GPC6: variants seen among roughly 807,000 people sequenced by gnomAD.
GPC6 encodes the protein glypican 6.
A neutral mutation model predicts 55.2 loss-of-function variants in GPC6; 14 were observed. The observed-to-expected ratio is 0.25, with a 90% CI of 0.17 to 0.40. The LOEUF (loss-of-function observed/expected upper bound fraction) is 0.40. GPC6 is among the 10% of genes least tolerant of loss of function. The pLI, the probability that GPC6 is intolerant of heterozygous loss-of-function variation, is 1.00. For synonymous variants in GPC6, 278 were observed against 259.6 expected (o/e 1.07, Z -0.68); for missense variants, 641 against 708.5 (o/e 0.90, Z 1.08).
chr13:93,462,981 A>G (rs9524075), intron 1 of GPC6, among the ~76,000 whole-genome samples: 27,569 of 152,122 alleles, frequency 0.18, 3,027 homozygotes, highest in East Asian at 0.48. Context: ...CCTTCTAGAC[A>G]TAGGACAGTT....
intron 5 of GPC6, among the ~76,000 whole-genome samples, chr13:94,288,606 AGT>A (rs1874674048): frequency 6.7e-6 from 1 of 149,604 alleles, no homozygotes; most frequent in African/African-American, 2.5e-5. Context: ...CAGCTCCTTG[AGT>A]ATACTTGTAG....
intron 4 of GPC6, among the ~76,000 whole-genome samples, chr13:94,238,326 A>G (rs564952857): frequency 6.6e-6 from 1 of 152,276 alleles, no homozygotes; most frequent in East Asian, 1.9e-4. Flanking sequence ...CAGAGAGCCT[A>G]TAGCTAGAAG....
intron 4 of GPC6, among the ~76,000 whole-genome samples, chr13:94,056,075 C>T (rs2138760751): frequency 6.6e-6 from 1 of 152,280 alleles, no homozygotes; most frequent in East Asian, 1.9e-4. Flanking sequence ...TGGTTTGGTC[C>T]CTACTGTATC....
intron 3 of GPC6, among the ~76,000 whole-genome samples, chr13:93,888,960 A>T (rs1875502954): frequency 6.6e-6 from 1 of 152,136 alleles, no homozygotes; most frequent in Non-Finnish European, 1.5e-5. Flanking sequence ...AGCACAAAAG[A>T]TATATTTACA....
intron 4 of GPC6, among the ~76,000 whole-genome samples, chr13:94,229,011 C>G (rs1296123869): frequency 1.3e-5 from 2 of 152,132 alleles, no homozygotes; most frequent in Non-Finnish European, 2.9e-5. Flanking sequence ...GAAACACTAT[C>G]ATATCTGGTG....
chr13:93,222,607 T>C (rs577633239), upstream of GPC6, among the ~76,000 whole-genome samples: 127 of 106,780 alleles, frequency 1.2e-3, no homozygotes, highest in Middle Eastern at 0.011. Context: ...CCACTGCAAT[T>C]TGTTTTATGT....
intron 4 of GPC6, among the ~76,000 whole-genome samples, chr13:94,058,820 C>T (rs79112115): frequency 0.021 from 3,219 of 152,246 alleles, 140 homozygotes; most frequent in African/African-American, 0.072. Context: ...AGCCACACAT[C>T]CAAATTCTGA....
At chr13:93,786,413 T>C (rs1210416772) in intron 2 of GPC6, among the ~76,000 whole-genome samples, 4 of 152,186 alleles carry the variant, frequency 2.6e-5, no homozygotes, top group Non-Finnish European at 2.9e-5. Flanking sequence ...ATCGTTTTAT[T>C]AAAATGCTAC....
intron 3 of GPC6, among the ~76,000 whole-genome samples, chr13:93,946,474 C>A (rs1178994514): frequency 6.6e-6 from 1 of 152,060 alleles, no homozygotes; most frequent in Admixed American, 6.6e-5. Flanking sequence ...CAAAATTTAC[C>A]TAATTTTAAA....
At chr13:93,690,311 G>A (rs1334472510) in intron 2 of GPC6, among the ~76,000 whole-genome samples, 1 of 151,932 alleles carries the variant, frequency 6.6e-6, no homozygotes, top group Non-Finnish European at 1.5e-5. Context: ...GTGCAAGTCA[G>A]GAGGACAAGG....
chr13:94,296,438 G>GA lies in GPC6; in HGVS notation c.1009-9535dup, dbSNP rs1267174418. ...AGAGAAGGTGCTCTCCTGGTCTCCT[G>GA]AAAAAAAGTCTCCTTCTGACTTCTT... On this transcript the variant is annotated intron_variant, in intron 5 of 8. Coordinates refer to ENST00000377047, the MANE Select transcript of GPC6 (RefSeq NM_005708.5). Among the ~76,000 whole-genome samples, 11 of 152,240 alleles carry GA rather than the reference G, an allele frequency of 7.2e-5. No individual in the cohort carries two copies. The South Asian group carries it at 1.9e-3, about 26-fold the overall frequency.
chr13:93,888,731 T>C (rs1875490030), intron 3 of GPC6, among the ~76,000 whole-genome samples: 1 of 152,146 alleles, frequency 6.6e-6, no homozygotes, highest in Non-Finnish European at 1.5e-5. Flanking sequence ...GAAGTGCTTA[T>C]ATTTTCAGAA....
chr13:93,475,179 CAA>C (rs398070399), intron 1 of GPC6, among the ~76,000 whole-genome samples: 1 of 152,008 alleles, frequency 6.6e-6, no homozygotes, highest in Non-Finnish European at 1.5e-5. Context: ...CACACACACA[CAA>C]ACACACACAG....
chr13:93,563,492 A>G (rs1317952320), intron 2 of GPC6, among the ~76,000 whole-genome samples: 1 of 151,476 alleles, frequency 6.6e-6, no homozygotes, highest in Non-Finnish European at 1.5e-5. Context: ...ACAAACAAAC[A>G]AAACAGCCCT....
At chr13:93,980,040 C>A (rs1880723237) in intron 3 of GPC6, among the ~76,000 whole-genome samples, 2 of 152,106 alleles carry the variant, frequency 1.3e-5, no homozygotes, top group South Asian at 4.1e-4. Context: ...ACCTCTTTTT[C>A]CACTATGCTA....
intron 4 of GPC6, among the ~76,000 whole-genome samples, chr13:94,104,098 A>G (rs1205249040): frequency 6.6e-6 from 1 of 152,216 alleles, no homozygotes; most frequent in African/African-American, 2.4e-5. Context: ...AGCTTTCTAC[A>G]TATGGCTAGC....
intron 4 of GPC6, among the ~76,000 whole-genome samples, chr13:94,242,016 C>T (rs1292779262): frequency 6.6e-6 from 1 of 151,656 alleles, no homozygotes; most frequent in Non-Finnish European, 1.5e-5. Flanking sequence ...TGTGCTGCAC[C>T]CATTAACTCG....
intron 2 of GPC6, among the ~76,000 whole-genome samples, chr13:93,560,130 TTTCTC>T (rs1190906512): frequency 6.6e-6 from 1 of 152,108 alleles, no homozygotes; most frequent in African/African-American, 2.4e-5. Context: ...ATCCGGTTCT[TTTCTC>T]TTCCTTTCCT....
chr13:93,725,852 A>T (rs966586611), intron 2 of GPC6, among the ~76,000 whole-genome samples: 1 of 152,086 alleles, frequency 6.6e-6, no homozygotes, highest in Non-Finnish European at 1.5e-5. Flanking sequence ...TGGTGAATGG[A>T]TAATAAAATA....
Sources: gnomAD v4.1 joint callset for allele counts (sites outside exome capture counted in the v4.1 genomes callset) on GRCh38, gnomAD v4.1.1 for gene constraint, MANE v1.5 for transcripts, NCBI Gene and HGNC (gene_info 2026-07-23, HGNC 2026-07-21) for gene names.